Variants in ABI3BP observed in about 807,000 individuals in gnomAD.
ABI3BP encodes ABI family member 3 binding protein.
In ABI3BP, 216 loss-of-function variants were observed where a neutral mutation model predicts 268.6. The observed-to-expected ratio is 0.80, with a 90% CI of 0.72 to 0.90. The LOEUF is 0.90. Ranked by LOEUF, ABI3BP falls within the 40% of genes least tolerant of loss-of-function variation. The pLI, the probability that ABI3BP is intolerant of heterozygous loss-of-function variation, is 0.00. For synonymous variants in ABI3BP, 730 were observed against 730.0 expected (o/e 1.00, Z 0.00); for missense variants, 2,090 against 2,182.4 (o/e 0.96, Z 0.84).
chr3:100,884,051 T>C (rs961396328), intron 6 of ABI3BP, among the ~76,000 whole-genome samples: 48 of 152,142 alleles, frequency 3.2e-4, no homozygotes, highest in Non-Finnish European at 6.9e-4. Context: ...ATTGCAAATA[T>C]AGTATGATTT....
intron 51 of ABI3BP, 120 bp from the exon 52 acceptor site, chr3:100,796,588 T>A: frequency 1.5e-6 from 1 of 650,982 alleles, no homozygotes; most frequent in Non-Finnish European, 2.4e-6. Context: ...TTACAATGGT[T>A]AATGACCAAA....
chr3:100,886,074 A>T (rs2041859959), intron 5 of ABI3BP, 68 bp downstream of exon 5: 2 of 1,240,240 alleles, frequency 1.6e-6, no homozygotes, highest in African/African-American at 3.1e-5. Flanking sequence ...GAATAACATA[A>T]TTAAAAATTA....
intron 2 of ABI3BP, among the ~76,000 whole-genome samples, chr3:100,907,982 G>C (rs2054274549): frequency 6.6e-6 from 1 of 151,962 alleles, no homozygotes; most frequent in African/African-American, 2.4e-5. Context: ...CGGGCGTGGT[G>C]GTGGGTGCCT....
chr3:100,824,838 C>G lies in ABI3BP; in HGVS notation c.2746+20G>C. 1 of 1,530,150 alleles carries G rather than the reference C, an allele frequency of 6.5e-7. No individual in the cohort carries two copies. Among genetic ancestry groups the G allele is most frequent in the Non-Finnish European group, 8.8e-7 (1 of 1,141,728 alleles). The allele number at this position is 1,530,150 out of a possible 1,614,324, so 94.8% of individuals were successfully genotyped here. ...CAGGCTGCCAGGGATCACCCTTAAA[C>G]CAAGGAATCACAGATTTACCAGGTT... On this transcript the variant is annotated intron_variant, in intron 36 of 67. Transcript: ENST00000471714.
intron 4 of ABI3BP, among the ~76,000 whole-genome samples, chr3:100,890,054 AT>A (rs369744011): frequency 5.3e-5 from 8 of 152,250 alleles, no homozygotes; most frequent in African/African-American, 1.9e-4. Flanking sequence ...CATAAACTGA[AT>A]TTATGATGTA....
chr3:100,983,696 A>C (rs2090611478), intron 1 of ABI3BP, among the ~76,000 whole-genome samples: 1 of 152,226 alleles, frequency 6.6e-6, no homozygotes, highest in Non-Finnish European at 1.5e-5. Flanking sequence ...AATGCAGGAA[A>C]TGTCTTATTC....
Position 100,842,010 on chromosome 3 carries a change from G to A in ABI3BP, c.1753C>T (p.Gln585Ter), listed in dbSNP as rs1360874890. The A allele has an allele frequency of 1.6e-5, 25 of 1,534,324 alleles. No homozygotes were observed. Among genetic ancestry groups the A allele is most frequent in the Non-Finnish European group, 2.0e-5 (23 of 1,145,566 alleles). ...AAAGCTTTATTACCTATTGTTGACT[G>A]TGATGGCAGTAGAGTCTGAGGTTCT... ...APEPQTLLPS[Q>*]STIGPETPGT... Residue 585 changes from glutamine (Q) to a stop codon, truncating the protein, a stop_gained, in exon 21 of 68, where the codon CAG (glutamine) becomes TAG (stop). Coordinates refer to ENST00000471714, the MANE Select transcript of ABI3BP (RefSeq NM_001375547.2). LOFTEE classifies it high-confidence loss of function.
At chr3:100,778,434 C>A in intron 58 of ABI3BP, 58 bp from the exon 59 acceptor site, 19 of 1,447,310 alleles carry the variant, frequency 1.3e-5, no homozygotes, top group East Asian at 4.8e-5. Context: ...GATTCATTAT[C>A]GAAAAAAACA....
Position 100,780,187 on chromosome 3 carries a change from T to C in ABI3BP, c.4185A>G (p.Pro1395=), listed in dbSNP as rs1375010456. The C allele has an allele frequency of 6.2e-7, 1 of 1,612,958 alleles. No individual in the cohort carries two copies. The highest frequency in any genetic ancestry group is 1.7e-5 in the Admixed American group (1 of 59,974). ...VGTGVKQAPR[P]SGADRNVSVD... Reference sequence around the variant, plus strand: ...CTGATACATTTCTATCAGCACCTGATGGCCTGGGTGCTTGCTTGACCCCTA... The same window carrying C: ...CTGATACATTTCTATCAGCACCTGACGGCCTGGGTGCTTGCTTGACCCCTA... Residue 1395 remains proline (P), a synonymous_variant, in exon 58 of 68, where the codon CCA becomes CCG. Transcript: ENST00000471714.
chr3:100,837,241 G>T, intron 26 of ABI3BP, 70 bp from the exon 27 acceptor site: 1 of 1,269,762 alleles, frequency 7.9e-7, no homozygotes, highest in Non-Finnish European at 1.1e-6. Context: ...GTGCTCATTG[G>T]TGTTTAATTC....
At chr3:100,809,352 G>T (rs2097789557) in intron 49 of ABI3BP, among the ~76,000 whole-genome samples, 1 of 151,926 alleles carries the variant, frequency 6.6e-6, no homozygotes. Flanking sequence ...ACTTACTAAG[G>T]TTCTAACTGA....
At chr3:100,972,735 C>G (rs1381761390) in intron 1 of ABI3BP, among the ~76,000 whole-genome samples, 1 of 152,166 alleles carries the variant, frequency 6.6e-6, no homozygotes, top group Admixed American at 6.5e-5. Context: ...CACATCCTTT[C>G]ACATCAACAT....
At chr3:100,756,272 C>G (rs1454352931) in intron 63 of ABI3BP, among the ~76,000 whole-genome samples, 2 of 152,154 alleles carry the variant, frequency 1.3e-5, no homozygotes, top group Non-Finnish European at 2.9e-5. Flanking sequence ...TGCCTGTAAT[C>G]CCAGCACTTC....
chr3:100,884,871 C>T (rs1363675138), intron 6 of ABI3BP, among the ~76,000 whole-genome samples: 4 of 152,078 alleles, frequency 2.6e-5, no homozygotes, highest in East Asian at 1.9e-4. Context: ...ATTTGAAATG[C>T]GAACATGTCT....
At chr3:100,789,624 A>AAAG (rs2097145470) in intron 55 of ABI3BP, 108 bp from the exon 56 acceptor site, 2 of 1,066,610 alleles carry the variant, frequency 1.9e-6, no homozygotes, top group Non-Finnish European at 2.7e-6. Context: ...ATGGACGTAT[A>AAAG]AAGAAGGTTC....
rs2056717408 is a variant in ABI3BP at position 100,912,031 on chromosome 3, T to G, written c.260-9345A>C. 8 of 752,884 alleles carry G rather than the reference T, an allele frequency of 1.1e-5. No homozygotes were observed. In the South Asian group the frequency reaches 1.2e-4, roughly 11 times the overall value. 46.6% of individuals were successfully genotyped at this position (752,884 alleles called of 1,614,324 possible). Reference sequence around the variant, plus strand: ...GTCAATTGTATAAACAACTTCAACATCATCCATTTGGGAATCAGTAATGCT... The same window carrying G: ...GTCAATTGTATAAACAACTTCAACAGCATCCATTTGGGAATCAGTAATGCT... On this transcript the variant is annotated intron_variant, in intron 2 of 67. Transcript: ENST00000471714.
intron 12 of ABI3BP, chr3:100,863,748 T>C: frequency 4.7e-6 from 2 of 422,896 alleles, no homozygotes; most frequent in South Asian, 7.9e-5. Flanking sequence ...ACAGAAATGA[T>C]CAATTTGTTC....
chr3:100,944,934 T>C lies in ABI3BP; in HGVS notation c.80-18453A>G, dbSNP rs192952133. 1.8e-4 allele frequency among the ~76,000 whole-genome samples: 28 copies of C among 152,302 alleles called. No individual in the cohort carries two copies. The East Asian group carries it at 5.2e-3, about 28-fold the overall frequency. On this transcript the variant is annotated intron_variant, in intron 1 of 67. Transcript: ENST00000471714. ...TCTCAACTCCACTGTGGGCATCTCA[T>C]ATTATTAATAACATGTTGTGGAAGA...
At chr3:100,904,817 T>G (rs1256313432) in intron 2 of ABI3BP, among the ~76,000 whole-genome samples, 1 of 152,222 alleles carries the variant, frequency 6.6e-6, no homozygotes, top group Non-Finnish European at 1.5e-5. Context: ...TTGGTGGGAC[T>G]GTAAACTAGT....
Sources: gnomAD v4.1 joint callset for allele counts (sites outside exome capture counted in the v4.1 genomes callset) on GRCh38, gnomAD v4.1.1 for gene constraint, MANE v1.5 for transcripts, NCBI Gene and HGNC (gene_info 2026-07-23, HGNC 2026-07-21) for gene names.